Variants in PCDHA4 observed in about 807,000 individuals in gnomAD.
PCDHA4 encodes the protein protocadherin alpha 4.
PCDHA4 carries 49 observed loss-of-function variants against 61.4 expected under a neutral mutation model. The observed-to-expected ratio is 0.80, with a 90% confidence interval of 0.63 to 1.01. The LOEUF (loss-of-function observed/expected upper bound fraction) is 1.01. Among genes scored for constraint, PCDHA4 ranks in the 50% least tolerant of loss-of-function variants. The pLI is 0.00. For synonymous variants in PCDHA4, 590 were observed against 550.3 expected, an observed-to-expected ratio of 1.07 and a Z score of -1.01; for missense variants, 1,254 against 1,235.8, an observed-to-expected ratio of 1.01 and a Z score of -0.22.
intron 1 of PCDHA4, chr5:140,864,667 T>G (rs1234979234): frequency 2.6e-5 from 4 of 152,252 alleles, no homozygotes; most frequent in Non-Finnish European, 5.9e-5. Context: ...AATTACCTGT[T>G]GACTTAATTG....
At chr5:140,883,907 A>G (rs2059882679) in intron 1 of PCDHA4, 1 of 1,613,358 alleles carries the variant, frequency 6.2e-7, no homozygotes, top group African/African-American at 1.3e-5. Context: ...GCCTCTGGGC[A>G]GCAACGTGAC....
intron 1 of PCDHA4, among the ~76,000 whole-genome samples, chr5:140,893,709 G>A (rs141117049): frequency 6.6e-6 from 1 of 152,250 alleles, no homozygotes; most frequent in East Asian, 1.9e-4. Flanking sequence ...AGCCTGTAAA[G>A]CTTCTGCTGA....
chr5:140,812,426 A>G (rs1765106358), intron 1 of PCDHA4: 1 of 151,998 alleles, frequency 6.6e-6, no homozygotes, highest in African/African-American at 2.4e-5. Context: ...TTTTTTCAAA[A>G]AATCAACTAA....
chr5:140,862,916 G>A, intron 1 of PCDHA4: 1 of 547,890 alleles, frequency 1.8e-6, no homozygotes, highest in Non-Finnish European at 3.5e-6. Context: ...CTGGCGCCTT[G>A]GGTGGGCTGG....
chr5:140,845,640 T>C (rs1256673286), intron 1 of PCDHA4, among the ~76,000 whole-genome samples: 1 of 149,636 alleles, frequency 6.7e-6, no homozygotes, highest in Non-Finnish European at 1.5e-5. Flanking sequence ...AATCAAGTCC[T>C]CCCTTTACCA....
chr5:140,920,692 A>T (rs552577858), intron 1 of PCDHA4, among the ~76,000 whole-genome samples: 7 of 152,114 alleles, frequency 4.6e-5, no homozygotes, highest in Non-Finnish European at 7.4e-5. Flanking sequence ...AAAAATACAA[A>T]CATTAGCTTG....
intron 1 of PCDHA4, chr5:140,926,589 G>T (rs929081687): frequency 1.7e-5 from 5 of 292,778 alleles, no homozygotes; most frequent in Non-Finnish European, 2.5e-5. Flanking sequence ...TCTCGCGCCC[G>T]GGCGGGCGGC....
At chr5:140,814,133 TACA>T (rs1334551555) in intron 1 of PCDHA4, 8 of 153,298 alleles carry the variant, frequency 5.2e-5, no homozygotes, top group African/African-American at 1.4e-4. Context: ...TGTACAGCTG[TACA>T]AAAATATTTT....
intron 1 of PCDHA4, among the ~76,000 whole-genome samples, chr5:140,887,315 C>G (rs1239122037): frequency 1.3e-5 from 2 of 152,116 alleles, no homozygotes; most frequent in Non-Finnish European, 2.9e-5. Flanking sequence ...CCAGGATAGT[C>G]TCGAACTCCT....
chr5:140,879,589 A>G (rs2058049274), intron 1 of PCDHA4, among the ~76,000 whole-genome samples: 1 of 152,214 alleles, frequency 6.6e-6, no homozygotes, highest in South Asian at 2.1e-4. Context: ...CAGACATTGA[A>G]AAGTGAAAAA....
intron 1 of PCDHA4, chr5:140,810,664 T>G (rs1029806382): frequency 1.1e-4 from 14 of 125,974 alleles, no homozygotes; most frequent in Non-Finnish European, 2.1e-4. Context: ...CTGTTGTTTT[T>G]CTTTTCTTTT....
chr5:140,825,211 T>C (rs2150138594), intron 1 of PCDHA4: 1 of 151,768 alleles, frequency 6.6e-6, no homozygotes, highest in Non-Finnish European at 1.5e-5. Flanking sequence ...ATTACTGAAG[T>C]AGATTTGTTT....
chr5:140,863,150 AC>A (rs1554157831), intron 1 of PCDHA4: 2 of 619,160 alleles, frequency 3.2e-6, no homozygotes, highest in Non-Finnish European at 6.2e-6. Context: ...CTGGTGAAGG[AC>A]CACTGCGAGC....
rs2092672361 is a variant in PCDHA4, at chr5:140,940,726, G to A, written c.2386-38223G>A. On this transcript the variant is annotated intron_variant, in intron 1 of 3. Coordinates refer to ENST00000530339, the MANE Select transcript of PCDHA4 (RefSeq NM_018907.4). Reference sequence around the variant, plus strand: ...ATACCTGCTGTGTGCTGTTTCAGCTGGACAGCTCCATATTTTTATGTGTGC... The same window carrying A: ...ATACCTGCTGTGTGCTGTTTCAGCTAGACAGCTCCATATTTTTATGTGTGC... 3.9e-5 allele frequency among the ~76,000 whole-genome samples: 6 copies of A among 152,124 alleles called. No homozygotes were observed. The South Asian group carries it at 1.2e-3, about 31-fold the overall frequency.
In PCDHA4 at chr5:141,000,775, C is replaced by T. The variant is rs919489031; in HGVS notation, c.2534-8852C>T. 3.3e-5 allele frequency among the ~76,000 whole-genome samples: 5 copies of T among 151,752 alleles called. No homozygotes were observed. In the East Asian group the frequency reaches 5.8e-4, roughly 18 times the overall value. On this transcript the variant is annotated intron_variant, in intron 3 of 3. Transcript: ENST00000530339. ...AAAAAATCTTAGCCAGGCATAGTGG[C>T]GCACACCTGTATTCCTAGCTACTCA...
rs1778917220 is a variant in PCDHA4 at position 140,843,490 on chromosome 5, C to T, written c.2385+33918C>T. 14 of 1,596,024 alleles carry T rather than the reference C, an allele frequency of 8.8e-6. 1 individual carries two copies. The highest frequency in any genetic ancestry group is 2.2e-5 in the East Asian group (1 of 44,822). On this transcript the variant is annotated intron_variant, in intron 1 of 3. Coordinates refer to ENST00000530339, the MANE Select transcript of PCDHA4 (RefSeq NM_018907.4). ...TGCTGCTGTACACTGCGCTGCGGTG[C>T]TCAGCACTGCCCACTGAGGGCGGGT...
At chr5:140,850,698 GGC>G in intron 1 of PCDHA4, 1 of 1,598,220 alleles carries the variant, frequency 6.3e-7, no homozygotes, top group Non-Finnish European at 8.6e-7. Context: ...GTGCGCGCCT[GGC>G]AAGCCGACGC....
intron 1 of PCDHA4, chr5:140,821,627 C>A: frequency 1.1e-6 from 1 of 931,036 alleles, no homozygotes; most frequent in Non-Finnish European, 1.6e-6. Flanking sequence ...TTTCCTTAGA[C>A]AGAAAGGAAA....
At chr5:140,869,140 C>A in intron 1 of PCDHA4, 8 of 1,613,188 alleles carry the variant, frequency 5.0e-6, no homozygotes, top group African/African-American at 1.3e-5. Context: ...GGGCACCCCA[C>A]GACTACAGCT....
Sources: allele counts gnomAD v4.1 joint callset (sites outside exome capture counted in the v4.1 genomes callset), GRCh38; gene constraint gnomAD v4.1.1; transcripts MANE v1.5; gene names NCBI Gene and HGNC (gene_info 2026-07-23, HGNC 2026-07-21).